XKR6: variants seen among roughly 807,000 people sequenced by gnomAD.
The protein encoded by XKR6 is XK related 6, also known as XK-related protein 6.
XKR6 carries 22 observed loss-of-function variants against 56.7 expected under a neutral mutation model. That is an observed-to-expected ratio of 0.39 (90% CI 0.28 to 0.55). XKR6 has a LOEUF of 0.55. Ranked by LOEUF, XKR6 falls within the 20% of genes least tolerant of loss-of-function variation. The pLI is 0.66. For missense variants in XKR6, 852 were observed against 889.0 expected, an observed-to-expected ratio of 0.96 and a Z score of 0.53; for synonymous variants, 524 against 387.8, an observed-to-expected ratio of 1.35 and a Z score of -4.13.
intron 1 of XKR6, among the ~76,000 whole-genome samples, chr8:11,169,118 G>C (rs1802235308): frequency 1.3e-5 from 2 of 152,312 alleles, no homozygotes; most frequent in South Asian, 4.1e-4. Flanking sequence ...AGACCAGTCA[G>C]CACATTCCTT....
chr8:11,066,743 G>A (rs1164045862), intron 1 of XKR6: 1 of 152,172 alleles, frequency 6.6e-6, no homozygotes, highest in African/African-American at 2.4e-5. Flanking sequence ...TCTAGATGAG[G>A]CAGCTGAGGC....
At chr8:11,099,528 C>G (rs977703123) in intron 1 of XKR6, among the ~76,000 whole-genome samples, 3 of 152,216 alleles carry the variant, frequency 2.0e-5, no homozygotes, top group African/African-American at 7.2e-5. Flanking sequence ...CAGCTCCTCT[C>G]TTACAGTCGC....
At chr8:11,112,633 C>A (rs1382394985) in intron 1 of XKR6, among the ~76,000 whole-genome samples, 1 of 152,110 alleles carries the variant, frequency 6.6e-6, no homozygotes, top group African/African-American at 2.4e-5. Flanking sequence ...TAAAACAACA[C>A]ATCAGGAGAT....
chr8:11,105,104 G>A (rs1206804872), intron 1 of XKR6: 1 of 152,062 alleles, frequency 6.6e-6, no homozygotes, highest in South Asian at 2.1e-4. Flanking sequence ...GTGAGTTATG[G>A]GTTACGAGAT....
At chr8:11,109,562 C>A (rs935778084) in intron 1 of XKR6, 3 of 152,228 alleles carry the variant, frequency 2.0e-5, no homozygotes, top group African/African-American at 7.2e-5. Flanking sequence ...ATCTCATCCT[C>A]CCCAGGAAAG....
chr8:10,911,321 GTATA>G (rs372396079), intron 2 of XKR6, among the ~76,000 whole-genome samples: 1,774 of 128,214 alleles, frequency 0.014, 35 homozygotes, highest in African/African-American at 0.05. Context: ...GAGAGGGTGA[GTATA>G]TATATATATA....
At chr8:11,170,674 C>A (rs1802320564) in intron 1 of XKR6, among the ~76,000 whole-genome samples, 2 of 152,208 alleles carry the variant, frequency 1.3e-5, no homozygotes, top group Non-Finnish European at 1.5e-5. Flanking sequence ...ATCGCACAAT[C>A]TAAGTGGGTA....
At chr8:10,973,853 G>C (rs552146612) in intron 1 of XKR6, among the ~76,000 whole-genome samples, 2 of 152,302 alleles carry the variant, frequency 1.3e-5, no homozygotes, top group Non-Finnish European at 2.9e-5. Context: ...TCAAAGTGTT[G>C]GAATTACAGG....
At chr8:11,174,805 A>G (rs541886006) in intron 1 of XKR6, among the ~76,000 whole-genome samples, 1 of 152,294 alleles carries the variant, frequency 6.6e-6, no homozygotes, top group East Asian at 1.9e-4. Context: ...TCTCATCCAC[A>G]GCACCAGAGA....
In XKR6 at chr8:11,201,066, C is replaced by T. The variant is rs1288573799; in HGVS notation, c.274G>A (p.Asp92Asn). Residue 92 changes from aspartate to asparagine, a missense_variant, in exon 1 of 3, where the codon GAC (aspartate) becomes AAC (asparagine). By Grantham distance (23) the Asp-to-Asn change is conservative (BLOSUM62 1). Transcript: ENST00000416569. ...PRRSAAADGG[D>N]QPLQPPAAPG... is the part of the protein sequence containing the mutation. ...GCCGCGGGAGGCTGCAGCGGCTGGT[C>T]CCCCCCGTCGGCGGCGGCGCTGCGG... 30 of 1,308,546 alleles carry T rather than the reference C, an allele frequency of 2.3e-5. No homozygotes were observed. In the South Asian group the frequency reaches 6.1e-4, roughly 27 times the overall value. The allele number at this position is 1,308,546 out of a possible 1,614,324, so 81.1% of individuals were successfully genotyped here.
At chr8:11,172,323 T>C (rs1802421549) in intron 1 of XKR6, among the ~76,000 whole-genome samples, 1 of 152,076 alleles carries the variant, frequency 6.6e-6, no homozygotes, top group Non-Finnish European at 1.5e-5. Flanking sequence ...CAAGCCATGA[T>C]CAAGCCACAG....
chr8:11,068,105 A>G (rs1267928984), intron 1 of XKR6, among the ~76,000 whole-genome samples: 1 of 152,178 alleles, frequency 6.6e-6, no homozygotes, highest in Non-Finnish European at 1.5e-5. Flanking sequence ...TGATTTAGGG[A>G]AAAACTCACC....
At chr8:10,986,694 A>G (rs775034978) in intron 1 of XKR6, among the ~76,000 whole-genome samples, 7 of 152,196 alleles carry the variant, frequency 4.6e-5, no homozygotes, top group African/African-American at 7.2e-5. Context: ...AATGATCTAG[A>G]CAATATTCCT....
chr8:10,938,548 A>G (rs1333029763), intron 1 of XKR6, among the ~76,000 whole-genome samples: 1 of 152,234 alleles, frequency 6.6e-6, no homozygotes, highest in Non-Finnish European at 1.5e-5. Context: ...GACACACACA[A>G]CAACCTGGAT....
At chr8:11,091,458 G>C (rs28722721) in intron 1 of XKR6, among the ~76,000 whole-genome samples, 1 of 148,302 alleles carries the variant, frequency 6.7e-6, no homozygotes, top group East Asian at 1.9e-4. Flanking sequence ...TAAATAAATA[G>C]ATAGATAGAT....
At chr8:10,974,135 TGG>T (rs1255121420) in intron 1 of XKR6, among the ~76,000 whole-genome samples, 1 of 152,186 alleles carries the variant, frequency 6.6e-6, no homozygotes, top group Non-Finnish European at 1.5e-5. Flanking sequence ...GAGGAGATGG[TGG>T]GGGAGGAAGA....
chr8:10,967,403 G>A (rs1172633370), intron 1 of XKR6, among the ~76,000 whole-genome samples: 1 of 152,206 alleles, frequency 6.6e-6, no homozygotes, highest in Non-Finnish European at 1.5e-5. Flanking sequence ...TAACTGCCTG[G>A]CCCCTGGGTC....
At position 11,073,147 on chromosome 8, in the gene XKR6, C is replaced by A. The variant is rs576306039; in HGVS notation, c.764+127429G>T. ...TCTATCTTTTCCTGAGAAAGGCAATCATTCATTAGCTTGTCTGATTGATAT... is the reference window on the plus strand; with the variant it reads ...TCTATCTTTTCCTGAGAAAGGCAATAATTCATTAGCTTGTCTGATTGATAT... On this transcript the variant is annotated intron_variant, in intron 1 of 2. Coordinates refer to ENST00000416569, the MANE Select transcript of XKR6 (RefSeq NM_173683.4). 1.6e-4 allele frequency among the ~76,000 whole-genome samples: 25 copies of A among 152,308 alleles called. No individual in the cohort carries two copies. In the South Asian group the frequency reaches 4.8e-3, roughly 29 times the overall value.
intron 1 of XKR6, among the ~76,000 whole-genome samples, chr8:11,198,589 C>T (rs577725268): frequency 2.4e-4 from 36 of 151,944 alleles, no homozygotes; most frequent in Non-Finnish European, 4.3e-4. Flanking sequence ...TTTCAGTTTG[C>T]CCTAAAATCT....
Sources: allele counts gnomAD v4.1 joint callset (sites outside exome capture counted in the v4.1 genomes callset), GRCh38; gene constraint gnomAD v4.1.1; transcripts MANE v1.5; gene names NCBI Gene and HGNC (gene_info 2026-07-23, HGNC 2026-07-21).